TES: variants seen among roughly 807,000 people sequenced by gnomAD.
TES encodes testin.
In TES, 41 loss-of-function variants were observed where a neutral mutation model predicts 48.2. The observed-to-expected ratio is 0.85, with a 90% CI of 0.66 to 1.10. The LOEUF (loss-of-function observed/expected upper bound fraction) is 1.10. Among genes scored for constraint, TES ranks in the 50% least tolerant of loss-of-function variants. The probability of loss-of-function intolerance (pLI) is 0.00; values close to 1 mark genes in which losing one functional copy is unlikely to be tolerated. For missense variants in TES, 463 were observed against 515.1 expected (o/e 0.90, Z 0.98); for synonymous variants, 162 against 174.9 (o/e 0.93, Z 0.58).
intron 1 of TES, among the ~76,000 whole-genome samples, chr7:116,221,856 A>T (rs751379191): frequency 3.3e-5 from 5 of 152,196 alleles, no homozygotes; most frequent in African/African-American, 4.8e-5. Flanking sequence ...TTAGTTGTAA[A>T]TAGGTGGTAT....
At chr7:116,231,048 C>A (rs902802686) in intron 1 of TES, among the ~76,000 whole-genome samples, 4 of 152,176 alleles carry the variant, frequency 2.6e-5, no homozygotes. Context: ...GCTAGTGACT[C>A]TTTGGAAGAC....
At chr7:116,242,945 T>C (rs1271810919) in intron 2 of TES, among the ~76,000 whole-genome samples, 1 of 152,210 alleles carries the variant, frequency 6.6e-6, no homozygotes, top group Admixed American at 6.5e-5. Context: ...TTAAAACTAA[T>C]GCAGTAAGTA....
At chr7:116,232,170 TG>T (rs1317147337) in intron 1 of TES, among the ~76,000 whole-genome samples, 1 of 152,196 alleles carries the variant, frequency 6.6e-6, no homozygotes, top group Non-Finnish European at 1.5e-5. Flanking sequence ...AGCCCAGTGT[TG>T]TTCAGACCAG....
intron 4 of TES, 59 bp from the exon 5 acceptor site, chr7:116,251,700 GA>G: frequency 7.2e-7 from 1 of 1,388,994 alleles, no homozygotes; most frequent in South Asian, 1.2e-5. Context: ...AAAAAAGAAA[GA>G]AAGAAAAGAA....
chr7:116,212,509 A>G (rs1389150598), intron 1 of TES, among the ~76,000 whole-genome samples: 2 of 152,008 alleles, frequency 1.3e-5, no homozygotes, highest in Admixed American at 6.6e-5. Context: ...GGCATGGGGG[A>G]GGTACATGGG....
chr7:116,242,299 T>A (rs544265733), intron 2 of TES, among the ~76,000 whole-genome samples: 1 of 152,348 alleles, frequency 6.6e-6, no homozygotes, highest in South Asian at 2.1e-4. Context: ...ATAATTACAT[T>A]GTTTTTGTTA....
At position 116,210,668 on chromosome 7, in the gene TES, C is replaced by T; in HGVS notation, c.-40C>T. On this transcript the variant is annotated 5_prime_UTR_variant, in exon 1 of 7. Coordinates refer to ENST00000358204, the MANE Select transcript of TES (RefSeq NM_015641.4). ...GGCCAGCTGAACCCGGCCGTGGGAT[C>T]CCGGATAGGAGGAGGAGGGGACCCA... 7.7e-7 allele frequency: 1 copy of T among 1,305,846 alleles called. No individual in the cohort carries two copies. Among genetic ancestry groups the T allele is most frequent in the Non-Finnish European group, 9.8e-7 (1 of 1,015,470 alleles). The allele number at this position is 1,305,846 out of a possible 1,614,324, so 80.9% of individuals were successfully genotyped here.
chr7:116,222,368 A>T (rs1036961834), intron 1 of TES, among the ~76,000 whole-genome samples: 1 of 152,136 alleles, frequency 6.6e-6, no homozygotes, highest in East Asian at 1.9e-4. Flanking sequence ...TCCTCTGGGC[A>T]GCCTCCTTCA....
chr7:116,212,853 C>A (rs1402278914), intron 1 of TES, among the ~76,000 whole-genome samples: 1 of 152,188 alleles, frequency 6.6e-6, no homozygotes, highest in Admixed American at 6.5e-5. Flanking sequence ...TCCTCCTCTT[C>A]TCCGCCTCTA....
chr7:116,220,907 A>T (rs925696116), intron 1 of TES, among the ~76,000 whole-genome samples: 1 of 152,174 alleles, frequency 6.6e-6, no homozygotes, highest in Non-Finnish European at 1.5e-5. Context: ...CTACACATAG[A>T]CAATAAACAA....
intron 1 of TES, among the ~76,000 whole-genome samples, chr7:116,212,513 A>G (rs1215055119): frequency 6.6e-6 from 1 of 152,204 alleles, no homozygotes; most frequent in Admixed American, 6.5e-5. Flanking sequence ...TGGGGGAGGT[A>G]CATGGGAACT....
chr7:116,214,924 C>T (rs1799477486), intron 1 of TES, among the ~76,000 whole-genome samples: 1 of 152,100 alleles, frequency 6.6e-6, no homozygotes, highest in Non-Finnish European at 1.5e-5. Flanking sequence ...TCCTGAATTC[C>T]CAAAACATGT....
intron 1 of TES, among the ~76,000 whole-genome samples, chr7:116,231,925 A>G (rs965998296): frequency 5.9e-5 from 9 of 152,028 alleles, no homozygotes; most frequent in Non-Finnish European, 1.2e-4. Context: ...GTCCATTCAG[A>G]TGCTTCATGG....
chr7:116,221,282 C>T (rs1411382831), intron 1 of TES, among the ~76,000 whole-genome samples: 1 of 152,074 alleles, frequency 6.6e-6, no homozygotes, highest in African/African-American at 2.4e-5. Context: ...GCAAAGGATT[C>T]AAAGCTGGGT....
chr7:116,242,631 A>T (rs1398631430), intron 2 of TES, among the ~76,000 whole-genome samples: 1 of 152,142 alleles, frequency 6.6e-6, no homozygotes, highest in Admixed American at 6.5e-5. Context: ...ACAAACTAAA[A>T]TCTATAATTA....
intron 1 of TES, among the ~76,000 whole-genome samples, chr7:116,228,691 T>C (rs1799655438): frequency 6.6e-6 from 1 of 152,176 alleles, no homozygotes; most frequent in Non-Finnish European, 1.5e-5. Flanking sequence ...GTCATTAATA[T>C]ATTAGCTTTT....
chr7:116,210,778 G>T (rs960324368), intron 1 of TES, 44 bp downstream of exon 1: 1 of 1,233,616 alleles, frequency 8.1e-7, no homozygotes, highest in Non-Finnish European at 1.0e-6. Context: ...TCACCTGCGC[G>T]GGTCGCGCGG....
At chr7:116,247,243 C>A (rs995156416) in intron 2 of TES, among the ~76,000 whole-genome samples, 2 of 151,890 alleles carry the variant, frequency 1.3e-5, no homozygotes, top group African/African-American at 4.8e-5. Flanking sequence ...AAACCTAAAT[C>A]TAGGATTATA....
chr7:116,221,689 A>T (rs879731936), intron 1 of TES, among the ~76,000 whole-genome samples: 2 of 152,172 alleles, frequency 1.3e-5, no homozygotes, highest in African/African-American at 2.4e-5. Flanking sequence ...GTACATCTGA[A>T]AGAATCAAGA....
Sources: gnomAD v4.1 joint callset for allele counts (sites outside exome capture counted in the v4.1 genomes callset) on GRCh38, gnomAD v4.1.1 for gene constraint, MANE v1.5 for transcripts, NCBI Gene and HGNC (gene_info 2026-07-23, HGNC 2026-07-21) for gene names.